The following HS3ST4 variants were observed in gnomAD, a reference collection of about 807,000 sequenced individuals.
HS3ST4 encodes heparan sulfate-glucosamine 3-sulfotransferase 4.
HS3ST4 carries 17 observed loss-of-function variants against 29.2 expected under a neutral mutation model. That is an observed-to-expected ratio of 0.58 (90% confidence interval 0.40 to 0.87). The LOEUF (loss-of-function observed/expected upper bound fraction) is 0.87, where lower values mean the gene tolerates loss of function less well. HS3ST4 is among the 40% of genes least tolerant of loss of function. HS3ST4 has a pLI of 0.00. For synonymous variants in HS3ST4, 314 were observed against 285.7 expected (o/e 1.10, Z -1.00); for missense variants, 627 against 634.5 (o/e 0.99, Z 0.13).
At chr16:25,811,425 T>TC (rs1967040599) in intron 1 of HS3ST4, among the ~76,000 whole-genome samples, 1 of 117,850 alleles carries the variant, frequency 8.5e-6, no homozygotes, top group Non-Finnish European at 1.6e-5. Context: ...TCTTCTTCTT[T>TC]TTTTTTTTTT....
intron 1 of HS3ST4, among the ~76,000 whole-genome samples, chr16:25,948,624 G>A (rs1968653663): frequency 6.6e-6 from 1 of 152,048 alleles, no homozygotes; most frequent in Non-Finnish European, 1.5e-5. Flanking sequence ...CACTTGTATT[G>A]ATTCTTGAGT....
intron 1 of HS3ST4, among the ~76,000 whole-genome samples, chr16:25,743,780 A>T (rs1966669579): frequency 6.6e-6 from 1 of 152,168 alleles, no homozygotes; most frequent in East Asian, 1.9e-4. Flanking sequence ...TGCTGGGATT[A>T]CAGGTGTGAG....
intron 1 of HS3ST4, among the ~76,000 whole-genome samples, chr16:25,916,264 G>T (rs1356568234): frequency 6.6e-6 from 1 of 152,168 alleles, no homozygotes; most frequent in Non-Finnish European, 1.5e-5. Context: ...TGAAGATGTG[G>T]CCATGCAGGC....
chr16:26,047,403 A>G (rs1354610557), intron 1 of HS3ST4, among the ~76,000 whole-genome samples: 2 of 152,158 alleles, frequency 1.3e-5, no homozygotes, highest in Admixed American at 6.5e-5. Context: ...CCTTTCATTT[A>G]TTGGTGTGTG....
chr16:25,822,423 T>C (rs1446927289), intron 1 of HS3ST4, among the ~76,000 whole-genome samples: 1 of 152,116 alleles, frequency 6.6e-6, no homozygotes, highest in East Asian at 1.9e-4. Context: ...CATATGAATT[T>C]TGGGGGGACA....
chr16:25,952,691 A>G (rs1968693208), intron 1 of HS3ST4, among the ~76,000 whole-genome samples: 1 of 152,142 alleles, frequency 6.6e-6, no homozygotes. Flanking sequence ...TCTGTCTCCT[A>G]CCTGCTGTGT....
intron 1 of HS3ST4, among the ~76,000 whole-genome samples, chr16:25,865,573 A>G (rs892316657): frequency 2.6e-5 from 4 of 152,244 alleles, no homozygotes; most frequent in Admixed American, 6.5e-5. Flanking sequence ...TTAAAAACAT[A>G]CCACAAAGCT....
chr16:25,839,640 G>A (rs1335031386), intron 1 of HS3ST4, among the ~76,000 whole-genome samples: 2 of 152,072 alleles, frequency 1.3e-5, no homozygotes, highest in East Asian at 1.9e-4. Context: ...TTATATTCTA[G>A]TGTTTATAAA....
intron 1 of HS3ST4, among the ~76,000 whole-genome samples, chr16:25,990,655 A>G (rs1004958487): frequency 6.6e-6 from 1 of 152,194 alleles, no homozygotes; most frequent in Non-Finnish European, 1.5e-5. Flanking sequence ...TTCAGGGGCT[A>G]TTATTATTCC....
intron 1 of HS3ST4, among the ~76,000 whole-genome samples, chr16:25,966,193 A>G (rs4072224): frequency 0.11 from 16,254 of 152,210 alleles, 1,019 homozygotes; most frequent in Middle Eastern, 0.19. Context: ...GACATGGCCA[A>G]GGTCATATGG....
intron 1 of HS3ST4, among the ~76,000 whole-genome samples, chr16:25,893,891 G>A (rs1247125655): frequency 6.6e-6 from 1 of 152,212 alleles, no homozygotes; most frequent in Non-Finnish European, 1.5e-5. Flanking sequence ...GATGTCCAGG[G>A]AAGTCCTTTC....
At chr16:26,060,562 A>G (rs974472801) in intron 1 of HS3ST4, among the ~76,000 whole-genome samples, 6 of 152,136 alleles carry the variant, frequency 3.9e-5, no homozygotes, top group African/African-American at 1.4e-4. Context: ...ATTGGTCATC[A>G]ATCTTTGCAC....
intron 1 of HS3ST4, among the ~76,000 whole-genome samples, chr16:26,086,693 T>C (rs187772242): frequency 1.2e-4 from 19 of 152,212 alleles, no homozygotes; most frequent in South Asian, 2.1e-4. Context: ...TGCCTATCAC[T>C]TAATAGGTGC....
At chr16:26,040,994 C>G (rs1178687829) in intron 1 of HS3ST4, among the ~76,000 whole-genome samples, 1 of 152,124 alleles carries the variant, frequency 6.6e-6, no homozygotes, top group Non-Finnish European at 1.5e-5. Flanking sequence ...GCTTATGAAG[C>G]TAGTGCTTCT....
chr16:25,851,415 G>A lies in HS3ST4; in HGVS notation c.734+158264G>A, dbSNP rs532023476. 1.7e-3 allele frequency among the ~76,000 whole-genome samples: 255 copies of A among 152,110 alleles called. 1 individual carries two copies. Among genetic ancestry groups the A allele is most frequent in the Non-Finnish European group, 2.7e-3 (183 of 67,986 alleles). On this transcript the variant is annotated intron_variant, in intron 1 of 1. Transcript: ENST00000331351. ...GCTCTTTGAGTAGAGCCTTCCATTT[G>A]CCCTCTGTCCATAGAGCCATCTTCC...
intron 1 of HS3ST4, among the ~76,000 whole-genome samples, chr16:26,043,915 T>C (rs964714310): frequency 6.6e-5 from 10 of 152,198 alleles, no homozygotes; most frequent in Non-Finnish European, 1.2e-4. Context: ...AGGCCCTTAC[T>C]AGCATTTATC....
intron 1 of HS3ST4, among the ~76,000 whole-genome samples, chr16:25,722,270 G>A (rs1246400385): frequency 6.6e-6 from 1 of 152,182 alleles, no homozygotes; most frequent in East Asian, 1.9e-4. Context: ...AGATCTCAGA[G>A]GGTACAAACC....
At chr16:25,933,300 G>A (rs182236889) in intron 1 of HS3ST4, 25 of 480,860 alleles carry the variant, frequency 5.2e-5, no homozygotes, top group South Asian at 1.4e-4. Context: ...GTTAGACAGC[G>A]GATTAGAAAA....
At chr16:25,833,141 C>A (rs902445173) in intron 1 of HS3ST4, among the ~76,000 whole-genome samples, 2 of 152,134 alleles carry the variant, frequency 1.3e-5, no homozygotes, top group African/African-American at 4.8e-5. Flanking sequence ...AAATAATTTT[C>A]TGTGTGTTTT....
Sources: allele counts gnomAD v4.1 joint callset (sites outside exome capture counted in the v4.1 genomes callset), GRCh38; gene constraint gnomAD v4.1.1; transcripts MANE v1.5; gene names NCBI Gene and HGNC (gene_info 2026-07-23, HGNC 2026-07-21).